ADCK1: variants seen among roughly 807,000 people sequenced by gnomAD.
ADCK1 encodes aarF domain containing kinase 1.
A neutral mutation model predicts 52.3 loss-of-function variants in ADCK1; 41 were observed. The ratio of observed to expected loss-of-function variants is 0.78; its 90% confidence interval spans 0.61 to 1.02. ADCK1 has a LOEUF of 1.02. ADCK1 is among the 50% of genes least tolerant of loss of function. The pLI is 0.00. For missense variants in ADCK1, 658 were observed against 679.5 expected (o/e 0.97, Z 0.35); for synonymous variants, 250 against 274.6 (o/e 0.91, Z 0.89).
intron 4 of ADCK1, among the ~76,000 whole-genome samples, chr14:77,874,051 C>T (rs1211423149): frequency 6.6e-6 from 1 of 152,234 alleles, no homozygotes; most frequent in Non-Finnish European, 1.5e-5. Context: ...GGTCCCACAG[C>T]TGGGTGGTGG....
chr14:77,895,282 AG>A (rs1460223664), intron 5 of ADCK1, among the ~76,000 whole-genome samples: 5 of 152,256 alleles, frequency 3.3e-5, no homozygotes, highest in Non-Finnish European at 1.5e-5. Flanking sequence ...CCCCAAATTC[AG>A]AAGTTATGGC....
intron 2 of ADCK1, among the ~76,000 whole-genome samples, chr14:77,820,610 GTGTGAGCCA>G (rs2081559981): frequency 6.6e-6 from 1 of 150,730 alleles, no homozygotes; most frequent in Non-Finnish European, 1.5e-5. Context: ...GGGATTATGG[GTGTGAGCCA>G]TTGTGCCAGG....
At chr14:77,894,968 G>A (rs1389495600) in intron 5 of ADCK1, among the ~76,000 whole-genome samples, 5 of 152,042 alleles carry the variant, frequency 3.3e-5, no homozygotes, top group African/African-American at 7.2e-5. Context: ...GGCCAGGCTG[G>A]TCTTGAACTC....
intron 1 of ADCK1, among the ~76,000 whole-genome samples, chr14:77,817,148 A>G (rs571250646): frequency 6.6e-6 from 1 of 152,184 alleles, no homozygotes; most frequent in Non-Finnish European, 1.5e-5. Context: ...AGGCTGAGGC[A>G]GGAGAAACGC....
chr14:77,906,646 C>T (rs554264978), intron 6 of ADCK1, among the ~76,000 whole-genome samples: 26 of 152,302 alleles, frequency 1.7e-4, no homozygotes, highest in African/African-American at 6.3e-4. Flanking sequence ...TTTAACAGTA[C>T]CAGAGCTGGC....
intron 3 of ADCK1, among the ~76,000 whole-genome samples, chr14:77,855,441 G>A (rs1009502366): frequency 1.3e-5 from 2 of 152,228 alleles, no homozygotes; most frequent in African/African-American, 4.8e-5. Context: ...AAATTGGGAT[G>A]TAGCCTGAGA....
chr14:77,852,994 C>T (rs1229318274), intron 3 of ADCK1, among the ~76,000 whole-genome samples: 7 of 139,170 alleles, frequency 5.0e-5, no homozygotes, highest in Non-Finnish European at 9.2e-5. Flanking sequence ...GGCAACCCAT[C>T]GTCCCCCTTG....
At chr14:77,816,107 C>T (rs1176617858) in intron 1 of ADCK1, among the ~76,000 whole-genome samples, 1 of 152,110 alleles carries the variant, frequency 6.6e-6, no homozygotes, top group East Asian at 1.9e-4. Context: ...TCTCTTGGCC[C>T]AGGAATCTGC....
chr14:77,885,460 C>T (rs79177431), intron 4 of ADCK1, among the ~76,000 whole-genome samples: 4,452 of 152,228 alleles, frequency 0.029, 215 homozygotes, highest in African/African-American at 0.1. Context: ...TTCATCTGGG[C>T]AGGTTGTTGA....
chr14:77,868,435 G>T (rs925034850), intron 4 of ADCK1, among the ~76,000 whole-genome samples: 1 of 152,212 alleles, frequency 6.6e-6, no homozygotes, highest in Non-Finnish European at 1.5e-5. Flanking sequence ...AGCTTGCATT[G>T]TCCTTGGGAC....
At chr14:77,876,486 G>T (rs556352999) in intron 4 of ADCK1, among the ~76,000 whole-genome samples, 43 of 152,266 alleles carry the variant, frequency 2.8e-4, no homozygotes, top group African/African-American at 9.6e-4. Flanking sequence ...AGTATCTTTT[G>T]CCATATAAGG....
At chr14:77,908,116 G>A (rs1042196300) in intron 7 of ADCK1, 197 bp downstream of exon 7, 10 of 488,072 alleles carry the variant, frequency 2.0e-5, no homozygotes, top group Admixed American at 1.1e-4. Context: ...TGCACACAGC[G>A]GCCTGCAGGG....
chr14:77,852,909 T>TATATATATATATATATA (rs56396469), intron 3 of ADCK1, among the ~76,000 whole-genome samples: 24 of 19,808 alleles, frequency 1.2e-3, no homozygotes, highest in Non-Finnish European at 2.0e-3. Flanking sequence ...ATATATATAT[T>TATATATATATATATATA]TTTTTTTTTT....
chr14:77,921,351 A>AAAAAAAAAAAG (rs1416920270), intron 7 of ADCK1, among the ~76,000 whole-genome samples: 2 of 149,562 alleles, frequency 1.3e-5, no homozygotes, highest in Admixed American at 1.3e-4. Flanking sequence ...AAAAAAAAGA[A>AAAAAAAAAAAG]AAAAAAGTTA....
At chr14:77,907,957 G>A (rs768309292) in intron 7 of ADCK1, 38 bp downstream of exon 7, 90 of 1,584,774 alleles carry the variant, frequency 5.7e-5, no homozygotes, top group Non-Finnish European at 7.2e-5. Flanking sequence ...GCCGGGGAAC[G>A]TGGGCTTGGT....
At chr14:77,925,683 C>A in intron 8 of ADCK1, 81 bp from the exon 9 acceptor site, 2 of 1,424,000 alleles carry the variant, frequency 1.4e-6, no homozygotes, top group Middle Eastern at 1.8e-4. Flanking sequence ...TCGTCTTTTG[C>A]AATGGTTGGC....
At chr14:77,826,030 T>G (rs2081695562) in intron 3 of ADCK1, among the ~76,000 whole-genome samples, 1 of 152,140 alleles carries the variant, frequency 6.6e-6, no homozygotes, top group Non-Finnish European at 1.5e-5. Context: ...GTGTCACATG[T>G]AAGTCATCTG....
chr14:77,802,915 C>T (rs1015491255), intron 1 of ADCK1, among the ~76,000 whole-genome samples: 3 of 152,102 alleles, frequency 2.0e-5, no homozygotes, highest in African/African-American at 7.2e-5. Flanking sequence ...GATTGCGCCA[C>T]TGCACTCCAG....
chr14:77,883,716 G>C (rs566736071), intron 4 of ADCK1, among the ~76,000 whole-genome samples: 2 of 152,108 alleles, frequency 1.3e-5, no homozygotes, highest in African/African-American at 4.8e-5. Context: ...GTGGGGTGGG[G>C]TGTCTGTGTG....
Sources: allele counts gnomAD v4.1 joint callset (sites outside exome capture counted in the v4.1 genomes callset), GRCh38; gene constraint gnomAD v4.1.1; transcripts MANE v1.5; gene names NCBI Gene and HGNC (gene_info 2026-07-23, HGNC 2026-07-21).